The following TNFRSF13C variants were observed in gnomAD, a reference collection of about 807,000 sequenced individuals.
The protein encoded by TNFRSF13C is tumor necrosis factor receptor superfamily member 13C.
A neutral mutation model predicts 12.1 loss-of-function variants in TNFRSF13C; 7 were observed. That is an observed-to-expected ratio of 0.58 (90% CI 0.33 to 1.08). The LOEUF is 1.08. TNFRSF13C is among the 50% of genes least tolerant of loss of function. The pLI is 0.04. For synonymous variants in TNFRSF13C, 157 were observed against 130.8 expected, an observed-to-expected ratio of 1.20 and a Z score of -1.37; for missense variants, 260 against 265.9, an observed-to-expected ratio of 0.98 and a Z score of 0.15.
At position 41,926,785 on chromosome 22, in the gene TNFRSF13C, C is replaced by T; in HGVS notation, c.-12G>A. On this transcript the variant is annotated 5_prime_UTR_variant, in exon 1 of 3. Coordinates refer to ENST00000291232, the MANE Select transcript of TNFRSF13C (RefSeq NM_052945.4). This position sits in a 1 kb window ranked among gnomAD's most constrained non-coding sequence, Gnocchi z 4.9. ...GGCCCTCGCCTCATGGTGCCGACGC[C>T]GCCGCACAAGCTGCGGGGACTGAGG... The T allele has an allele frequency of 7.6e-7, 1 of 1,313,918 alleles. No homozygotes were observed. The highest frequency in any genetic ancestry group is 3.2e-5 in the East Asian group (1 of 31,702). 81.4% of individuals were successfully genotyped at this position (1,313,918 alleles called of 1,614,324 possible). A position where few individuals can be genotyped will look rare whatever the true frequency, so the allele number is the denominator to read the frequency against.
chr22:41,925,975 C>T (rs975997652), intron 2 of TNFRSF13C, 126 bp downstream of exon 2: 10 of 1,340,310 alleles, frequency 7.5e-6, no homozygotes, highest in Non-Finnish European at 1.0e-5. Context: ...CTCTTTTCCA[C>T]TCTGTCTCCG....
Position 41,926,171 on chromosome 22 carries a change from C to T in TNFRSF13C, c.297G>A (p.Val99=), listed in dbSNP as rs1223930735. 4 of 1,610,860 alleles carry T rather than the reference C, an allele frequency of 2.5e-6. No individual in the cohort carries two copies. Among genetic ancestry groups the T allele is most frequent in the Admixed American group, 3.3e-5 (2 of 59,962 alleles). ...LVLALVLVGL[V]SWRRRQRRLR... ...GCCGCCGCTGTCGCCGCCTCCAGCT[C>T]ACCAGACCCACCAGGACCAGCGCCA... The change falls in exon 2 of 3, where the codon GTG becomes GTA. Residue 99 remains valine, a synonymous_variant. Transcript: ENST00000291232. The surrounding 1 kb of genome is among the most constrained non-coding windows in gnomAD (Gnocchi z 4.9).
At position 41,925,326 on chromosome 22, in the gene TNFRSF13C, G is replaced by T. The variant is rs1265622212; in HGVS notation, c.*41C>A. 2 of 1,569,910 alleles carry T rather than the reference G, an allele frequency of 1.3e-6. No homozygotes were observed. Among genetic ancestry groups the T allele is most frequent in the Non-Finnish European group, 1.7e-6 (2 of 1,162,440 alleles). On this transcript the variant is annotated 3_prime_UTR_variant, in exon 3 of 3. Coordinates refer to ENST00000291232, the MANE Select transcript of TNFRSF13C (RefSeq NM_052945.4). ...TTGATTTCCAAGCCCCTGGCTGGGG[G>T]TCCAGAGGGAGGGCAGGGGCCACCT...
Position 41,926,539 on chromosome 22 carries a change from C to T in TNFRSF13C, c.136+99G>A, listed in dbSNP as rs1198673390. ...CTGCCCACAGGGTCCTTTCAGCCCT[C>T]GGCGCCCCCGGGGGTCGGGGCTCTG... On this transcript the variant is annotated intron_variant, in intron 1 of 2. Coordinates refer to ENST00000291232, the MANE Select transcript of TNFRSF13C (RefSeq NM_052945.4). This position sits in a 1 kb window ranked among gnomAD's most constrained non-coding sequence, Gnocchi z 4.9. The T allele has an allele frequency of 1.5e-6, 2 of 1,304,506 alleles. No homozygotes were observed. Among genetic ancestry groups the T allele is most frequent in the Admixed American group, 4.2e-5 (1 of 23,884 alleles). The allele number at this position is 1,304,506 out of a possible 1,614,324, so 80.8% of individuals were successfully genotyped here.
Position 41,925,565 on chromosome 22 carries a change from A to G in TNFRSF13C, c.368-11T>C. On this transcript the variant is annotated splice_polypyrimidine_tract_variant and intron_variant, in intron 2 of 2. Coordinates refer to ENST00000291232, the MANE Select transcript of TNFRSF13C (RefSeq NM_052945.4). ...CCAGGGGCTCTGGGGCTGCAGGCAG[A>G]GGGGGTAGAGGCTCCGTACTCAGTC... 1 of 1,611,200 alleles carries G rather than the reference A, an allele frequency of 6.2e-7. No homozygotes were observed.
rs1243933692 is a variant in TNFRSF13C at position 41,923,876 on chromosome 22, T to C, written c.*1491A>G. On this transcript the variant is annotated 3_prime_UTR_variant, in exon 3 of 3. Coordinates refer to ENST00000291232, the MANE Select transcript of TNFRSF13C (RefSeq NM_052945.4). ...GGGGTCAAAATGGCATCTTAGGTTC[T>C]GGCAGATTGGGCCAATCTCAGGGTT... The C allele has an allele frequency of 6.6e-6, 1 of 152,206 alleles. No homozygotes were observed. Among genetic ancestry groups the C allele is most frequent in the Admixed American group, 6.5e-5 (1 of 15,280 alleles). 9.4% of individuals were successfully genotyped at this position (152,206 alleles called of 1,614,324 possible). A position where few individuals can be genotyped will look rare whatever the true frequency, so the allele number is the denominator to read the frequency against.
At position 41,925,426 on chromosome 22, in the gene TNFRSF13C, T is replaced by C; in HGVS notation, c.496A>G (p.Thr166Ala). 6.2e-6 allele frequency: 10 copies of C among 1,611,270 alleles called. No individual in the cohort carries two copies. The highest frequency in any genetic ancestry group is 8.5e-6 in the Non-Finnish European group (10 of 1,179,942). The part of the protein sequence containing the change: ...PPGHSVPVPA[T>A]ELGSTELVTT... Reference sequence around the variant, plus strand: ...ACCAGTTCAGTGGAGCCCAGCTCTGTGGCTGGCACAGGGACACTGTGGCCA... The same window carrying C: ...ACCAGTTCAGTGGAGCCCAGCTCTGCGGCTGGCACAGGGACACTGTGGCCA... The change falls in exon 3 of 3, where the codon ACA (threonine) becomes GCA (alanine). Residue 166 changes from threonine (T) to alanine (A), a missense_variant. Transcript: ENST00000291232.
At position 41,926,755 on chromosome 22, in the gene TNFRSF13C, T is replaced by C; in HGVS notation, c.19A>G (p.Ser7Gly). 1 of 1,362,296 alleles carries C rather than the reference T, an allele frequency of 7.3e-7. No homozygotes were observed. The highest frequency in any genetic ancestry group is 1.5e-5 in the African/African-American group (1 of 65,466). The allele number at this position is 1,362,296 out of a possible 1,614,324, so 84.4% of individuals were successfully genotyped here. A position where few individuals can be genotyped will look rare whatever the true frequency, so the allele number is the denominator to read the frequency against. The stretch of plus-strand genomic sequence containing the variant: ...GCTGGCGCGTCCCTGCCCCGCAGGC[T>C]CCGGGGCCCTCGCCTCATGGTGCCG... Reference protein sequence around the residue: MRRGPRSLRGRDAPAPT... With the variant: MRRGPRGLRGRDAPAPT... Residue 7 changes from serine (S) to glycine (G), a missense_variant, in exon 1 of 3, where the codon AGC becomes GGC. Physicochemically the swap from Ser to Gly is moderately conservative, Grantham distance 56 (BLOSUM62 0). Transcript: ENST00000291232. The surrounding 1 kb of genome is among the most constrained non-coding windows in gnomAD (Gnocchi z 4.9).
In TNFRSF13C at chr22:41,922,691, G is replaced by C. The variant is rs1455178122; in HGVS notation, c.*2676C>G. The C allele has an allele frequency of 6.8e-6, 1 of 147,418 alleles. No homozygotes were observed. The highest frequency in any genetic ancestry group is 6.8e-5 in the Admixed American group (1 of 14,692). 9.1% of individuals were successfully genotyped at this position (147,418 alleles called of 1,614,324 possible). A position where few individuals can be genotyped will look rare whatever the true frequency, so the allele number is the denominator to read the frequency against. Reference sequence around the variant, plus strand: ...GGGGTGGGGGAGATGGGGTGGCCAGGAGAAGATGGGGTGGCCAGGAGAAGA... The same window carrying C: ...GGGGTGGGGGAGATGGGGTGGCCAGCAGAAGATGGGGTGGCCAGGAGAAGA... On this transcript the variant is annotated 3_prime_UTR_variant, in exon 3 of 3. Coordinates refer to ENST00000291232, the MANE Select transcript of TNFRSF13C (RefSeq NM_052945.4).
rs2077629301 is a variant in TNFRSF13C at position 41,926,223 on chromosome 22, G to A, written c.245C>T (p.Pro82Leu). Residue 82 changes from proline (P) to leucine (L), a missense_variant, in exon 2 of 3, where the codon CCC becomes CTC. Pro to Leu is a moderately conservative substitution (Grantham distance 98). Transcript: ENST00000291232. This position sits in a 1 kb window ranked among gnomAD's most constrained non-coding sequence, Gnocchi z 4.9. ...LPLPGLLFGA[P>L]ALLGLALVLA... ...GACCAGTGCCAGGCCCAGCAGCGCG[G>A]GGGCGCCAAAGAGCAGCCCGGGCAG... 1.3e-6 allele frequency: 2 copies of A among 1,594,422 alleles called. No individual in the cohort carries two copies. Among genetic ancestry groups the A allele is most frequent in the East Asian group, 4.5e-5 (2 of 44,530 alleles).
In TNFRSF13C at chr22:41,923,407, G is replaced by A. The variant is rs1360703546; in HGVS notation, c.*1960C>T. The stretch of plus-strand genomic sequence containing the variant: ...GGGCAGGTAGGAGGCGGCTGACTGA[G>A]TGCACAGTGTCGTCCAGGAGTGGAA... On this transcript the variant is annotated 3_prime_UTR_variant, in exon 3 of 3. Coordinates refer to ENST00000291232, the MANE Select transcript of TNFRSF13C (RefSeq NM_052945.4). The A allele has an allele frequency of 6.5e-6, 1 of 154,646 alleles. No individual in the cohort carries two copies. Among genetic ancestry groups the A allele is most frequent in the African/African-American group, 2.4e-5 (1 of 41,514 alleles). The allele number at this position is 154,646 out of a possible 1,614,324, so 9.6% of individuals were successfully genotyped here.
At position 41,924,058 on chromosome 22, in the gene TNFRSF13C, G is replaced by C. The variant is rs2077617148; in HGVS notation, c.*1309C>G. Reference sequence around the variant, plus strand: ...TTTGCATCAGTTTAAAAGCAGGACGGCTCTGAGGGCAGGTATTAAAGAAAT... The same window carrying C: ...TTTGCATCAGTTTAAAAGCAGGACGCCTCTGAGGGCAGGTATTAAAGAAAT... On this transcript the variant is annotated 3_prime_UTR_variant, in exon 3 of 3. Transcript: ENST00000291232. The C allele has an allele frequency of 6.6e-6, 1 of 152,128 alleles. No individual in the cohort carries two copies. Among genetic ancestry groups the C allele is most frequent in the South Asian group, 2.1e-4 (1 of 4,820 alleles). 9.4% of individuals were successfully genotyped at this position (152,128 alleles called of 1,614,324 possible). A position where few individuals can be genotyped will look rare whatever the true frequency, so the allele number is the denominator to read the frequency against.
Position 41,925,386 on chromosome 22 carries a change from G to T in TNFRSF13C, c.536C>A (p.Ala179Asp). The T allele has an allele frequency of 6.2e-7, 1 of 1,606,322 alleles. No individual in the cohort carries two copies. The highest frequency in any genetic ancestry group is 8.5e-7 in the Non-Finnish European group (1 of 1,178,906). Reference protein sequence around the residue: ...GSTELVTTKTAGPEQQ With the variant: ...GSTELVTTKTDGPEQQ ...TCCCTGCTATTGTTGCTCAGGGCCG[G>T]CCGTCTTGGTGGTCACCAGTTCAGT... is the stretch of plus-strand genomic sequence containing the variant. Residue 179 changes from alanine to aspartate, a missense_variant, in exon 3 of 3, where the codon GCC becomes GAC. Coordinates refer to ENST00000291232, the MANE Select transcript of TNFRSF13C (RefSeq NM_052945.4).
rs1401936697 is a variant in TNFRSF13C at position 41,925,257 on chromosome 22, G to C, written c.*110C>G. On this transcript the variant is annotated 3_prime_UTR_variant, in exon 3 of 3. Coordinates refer to ENST00000291232, the MANE Select transcript of TNFRSF13C (RefSeq NM_052945.4). Reference sequence around the variant, plus strand: ...TCTGTGCTTCTGCAGAGTTAGCCTGGTCCCAGAAAGAGGGCATGTGCATGC... The same window carrying C: ...TCTGTGCTTCTGCAGAGTTAGCCTGCTCCCAGAAAGAGGGCATGTGCATGC... 8.4e-7 allele frequency: 1 copy of C among 1,186,432 alleles called. No homozygotes were observed. The highest frequency in any genetic ancestry group is 2.5e-5 in the Admixed American group (1 of 39,840). 73.5% of individuals were successfully genotyped at this position (1,186,432 alleles called of 1,614,324 possible). A position where few individuals can be genotyped will look rare whatever the true frequency, so the allele number is the denominator to read the frequency against.
chr22:41,926,198 G>A lies in TNFRSF13C; in HGVS notation c.270C>T (p.Val90=), dbSNP rs2077629006. The A allele has an allele frequency of 1.2e-6, 2 of 1,608,132 alleles. No homozygotes were observed. The highest frequency in any genetic ancestry group is 1.7e-6 in the Non-Finnish European group (2 of 1,179,216). The part of the protein sequence containing the change: ...GAPALLGLAL[V]LALVLVGLVS... ...CCAGACCCACCAGGACCAGCGCCAG[G>A]ACCAGTGCCAGGCCCAGCAGCGCGG... Residue 90 remains valine, a synonymous_variant, in exon 2 of 3, where the codon GTC becomes GTT. Coordinates refer to ENST00000291232, the MANE Select transcript of TNFRSF13C (RefSeq NM_052945.4). This position sits in a 1 kb window ranked among gnomAD's most constrained non-coding sequence, Gnocchi z 4.9.
In TNFRSF13C at chr22:41,926,244, G is replaced by A; in HGVS notation, c.224C>T (p.Pro75Leu). 3 of 1,548,416 alleles carry A rather than the reference G, an allele frequency of 1.9e-6. No individual in the cohort carries two copies. Among genetic ancestry groups the A allele is most frequent in the Non-Finnish European group, 2.6e-6 (3 of 1,152,132 alleles). Reference protein sequence around the residue: ...AGAGEAALPLPGLLFGAPALL... With the variant: ...AGAGEAALPLLGLLFGAPALL... The stretch of plus-strand genomic sequence containing the variant: ...CGCGGGGGCGCCAAAGAGCAGCCCG[G>A]GCAGGGGCAGCGCCGCCTCGCCGGC... The change falls in exon 2 of 3, where the codon CCC becomes CTC. Residue 75 changes from proline to leucine, a missense_variant. Physicochemically the swap from Pro to Leu is moderately conservative, Grantham distance 98. Coordinates refer to ENST00000291232, the MANE Select transcript of TNFRSF13C (RefSeq NM_052945.4). The surrounding 1 kb of genome is among the most constrained non-coding windows in gnomAD (Gnocchi z 4.9).
rs1283593124 is a variant in TNFRSF13C at position 41,926,554 on chromosome 22, T to G, written c.136+84A>C. 11 of 1,324,034 alleles carry G rather than the reference T, an allele frequency of 8.3e-6. No homozygotes were observed. The highest frequency in any genetic ancestry group is 1.1e-5 in the Non-Finnish European group (11 of 1,040,370). The allele number at this position is 1,324,034 out of a possible 1,614,324, so 82.0% of individuals were successfully genotyped here. On this transcript the variant is annotated intron_variant, in intron 1 of 2. Transcript: ENST00000291232. The surrounding 1 kb of genome is among the most constrained non-coding windows in gnomAD (Gnocchi z 4.9). ...TTTCAGCCCTCGGCGCCCCCGGGGG[T>G]CGGGGCTCTGCCTGCGCCCTGGCGA...
In TNFRSF13C at chr22:41,926,779, C is replaced by A; in HGVS notation, c.-6G>T. On this transcript the variant is annotated 5_prime_UTR_variant, in exon 1 of 3. Coordinates refer to ENST00000291232, the MANE Select transcript of TNFRSF13C (RefSeq NM_052945.4). The surrounding 1 kb of genome is among the most constrained non-coding windows in gnomAD (Gnocchi z 4.9). Reference sequence around the variant, plus strand: ...CTCCGGGGCCCTCGCCTCATGGTGCCGACGCCGCCGCACAAGCTGCGGGGA... The same window carrying A: ...CTCCGGGGCCCTCGCCTCATGGTGCAGACGCCGCCGCACAAGCTGCGGGGA... 1 of 1,321,388 alleles carries A rather than the reference C, an allele frequency of 7.6e-7. No individual in the cohort carries two copies. The highest frequency in any genetic ancestry group is 9.6e-7 in the Non-Finnish European group (1 of 1,038,368). The allele number at this position is 1,321,388 out of a possible 1,614,324, so 81.9% of individuals were successfully genotyped here. A position where few individuals can be genotyped will look rare whatever the true frequency, so the allele number is the denominator to read the frequency against.
Position 41,922,081 on chromosome 22 carries a change from A to G in TNFRSF13C, c.*3286T>C, listed in dbSNP as rs1315242572. On this transcript the variant is annotated 3_prime_UTR_variant, in exon 3 of 3. Transcript: ENST00000291232. Reference sequence around the variant, plus strand: ...GGAGTCTCTAAAGAGAGAGAAACTTACCAAATATTAATATGATGGTCAAGA... The same window carrying G: ...GGAGTCTCTAAAGAGAGAGAAACTTGCCAAATATTAATATGATGGTCAAGA... 1 of 152,208 alleles carries G rather than the reference A, an allele frequency of 6.6e-6. No individual in the cohort carries two copies. 9.4% of individuals were successfully genotyped at this position (152,208 alleles called of 1,614,324 possible). A position where few individuals can be genotyped will look rare whatever the true frequency, so the allele number is the denominator to read the frequency against.
Sources: allele counts gnomAD v4.1 joint callset, GRCh38; gene constraint gnomAD v4.1.1; non-coding constraint Gnocchi (gnomAD v3.1); transcripts MANE v1.5; gene names NCBI Gene and HGNC (gene_info 2026-07-23, HGNC 2026-07-21).